Variants in SAP30BP observed in about 807,000 individuals in gnomAD.
The protein encoded by SAP30BP is SAP30-binding protein.
SAP30BP carries 31 observed loss-of-function variants against 46.3 expected under a neutral mutation model. The observed-to-expected ratio is 0.67, with a 90% confidence interval of 0.50 to 0.90. The LOEUF (loss-of-function observed/expected upper bound fraction) is 0.90, where lower values mean the gene tolerates loss of function less well. Ranked by LOEUF, SAP30BP falls within the 40% of genes least tolerant of loss-of-function variation. The pLI is 0.00. For missense variants in SAP30BP, 312 were observed against 391.0 expected, an observed-to-expected ratio of 0.80 and a Z score of 1.70; for synonymous variants, 169 against 144.2, an observed-to-expected ratio of 1.17 and a Z score of -1.23.
chr17:75,691,959 C>A (rs1599143768), intron 3 of SAP30BP: 1 of 154,780 alleles, frequency 6.5e-6, no homozygotes, highest in African/African-American at 2.4e-5. Context: ...CTGCGGCAGT[C>A]TCTATAGAGC....
intron 3 of SAP30BP, chr17:75,690,632 A>C (rs1448815513): frequency 1.1e-5 from 5 of 455,462 alleles, no homozygotes; most frequent in Non-Finnish European, 1.8e-5. Context: ...CGAGCACTTT[A>C]GGATCCAGAG....
chr17:75,707,149 G>C lies in SAP30BP; in HGVS notation c.*628G>C, dbSNP rs953696907. The C allele has an allele frequency of 6.4e-6, 1 of 155,352 alleles. No homozygotes were observed. Among genetic ancestry groups the C allele is most frequent in the Non-Finnish European group, 1.4e-5 (1 of 70,006 alleles). The allele number at this position is 155,352 out of a possible 1,614,324, so 9.6% of individuals were successfully genotyped here. A position where few individuals can be genotyped will look rare whatever the true frequency, so the allele number is the denominator to read the frequency against. ...AGCCAGTTTCCAGAAGGGCTGGGGT[G>C]AGATCCTGACCTGTGCAGAGAGTGG... On this transcript the variant is annotated 3_prime_UTR_variant, in exon 11 of 11. Coordinates refer to ENST00000584667, the MANE Select transcript of SAP30BP (RefSeq NM_013260.8).
At position 75,703,050 on chromosome 17, in the gene SAP30BP, T is replaced by C. The variant is rs746529397; in HGVS notation, c.489-261T>C. The C allele has an allele frequency of 1.5e-4, 77 of 508,334 alleles. 1 individual carries two copies. Among genetic ancestry groups the C allele is most frequent in the Non-Finnish European group, 2.3e-4 (66 of 282,232 alleles). 31.5% of individuals were successfully genotyped at this position (508,334 alleles called of 1,614,324 possible). A position where few individuals can be genotyped will look rare whatever the true frequency, so the allele number is the denominator to read the frequency against. On this transcript the variant is annotated intron_variant, in intron 6 of 10. Transcript: ENST00000584667. ...CATGGCCCTTGTGTGGGTCTGAGTG[T>C]GGTAAGCCCAATCCAGCTGTGCAGA...
At chr17:75,703,950 C>A in intron 8 of SAP30BP, 91 bp downstream of exon 8, 1 of 960,510 alleles carries the variant, frequency 1.0e-6, no homozygotes, top group Middle Eastern at 2.1e-4. Flanking sequence ...ACACATATTT[C>A]AGGGTCTACT....
Position 75,705,046 on chromosome 17 carries a change from C to A in SAP30BP, c.660+232C>A. ...TGTTTGCTACATTGTGCCCCCCTTTCCTCCCCGCCAATTGCAGAGCCTTGG... is the reference window on the plus strand; with the variant it reads ...TGTTTGCTACATTGTGCCCCCCTTTACTCCCCGCCAATTGCAGAGCCTTGG... On this transcript the variant is annotated intron_variant, in intron 9 of 10. Coordinates refer to ENST00000584667, the MANE Select transcript of SAP30BP (RefSeq NM_013260.8). The A allele has an allele frequency of 5.8e-6, 3 of 516,988 alleles. No homozygotes were observed. In the East Asian group the frequency reaches 1.0e-4, roughly 18 times the overall value. The allele number at this position is 516,988 out of a possible 1,614,324, so 32.0% of individuals were successfully genotyped here. A position where few individuals can be genotyped will look rare whatever the true frequency, so the allele number is the denominator to read the frequency against.
chr17:75,697,338 C>A (rs2060338183), intron 4 of SAP30BP, among the ~76,000 whole-genome samples: 1 of 152,210 alleles, frequency 6.6e-6, no homozygotes, highest in African/African-American at 2.4e-5. Context: ...CCAGCTGATT[C>A]CACTCTCCAC....
Position 75,667,426 on chromosome 17 carries a change from A to G in SAP30BP, c.54A>G (p.Ser18=). 6.2e-7 allele frequency: 1 copy of G among 1,614,244 alleles called. No individual in the cohort carries two copies. Among genetic ancestry groups the G allele is most frequent in the South Asian group, 1.1e-5 (1 of 91,086 alleles). ...LSSLAVYAED[S]EPESDGEAGI... is the part of the protein sequence containing the mutation. ...CTCTCGCAGTTTACGCGGAAGATTCAGAGCCCGAGTCTGATGGCGAGGCTG... is the reference window on the plus strand; with the variant it reads ...CTCTCGCAGTTTACGCGGAAGATTCGGAGCCCGAGTCTGATGGCGAGGCTG... Residue 18 remains serine, a synonymous_variant, in exon 1 of 11, where the codon TCA becomes TCG. Transcript: ENST00000584667.
chr17:75,668,675 T>G (rs112306247), intron 2 of SAP30BP, 50 bp downstream of exon 2: 1 of 1,291,304 alleles, frequency 7.7e-7, no homozygotes, highest in Non-Finnish European at 1.1e-6. Context: ...ATTTCATTTG[T>G]CAGATTTTGG....
intron 3 of SAP30BP, chr17:75,691,563 A>T (rs570812193): frequency 2.3e-6 from 1 of 444,150 alleles, no homozygotes; most frequent in East Asian, 7.0e-5. Context: ...GAGCCATTGC[A>T]TGTTTGGTGA....
At chr17:75,687,434 A>G (rs1213470967) in intron 3 of SAP30BP, among the ~76,000 whole-genome samples, 1 of 151,944 alleles carries the variant, frequency 6.6e-6, no homozygotes, top group East Asian at 1.9e-4. Context: ...TGGGCAACAT[A>G]GTGAGACCCC....
intron 2 of SAP30BP, among the ~76,000 whole-genome samples, chr17:75,669,079 CTT>C (rs1387713180): frequency 4.9e-5 from 7 of 143,110 alleles, no homozygotes; most frequent in African/African-American, 2.5e-5. Context: ...TTTTTCTTTT[CTT>C]TTTTTTTTTT....
intron 9 of SAP30BP, 99 bp downstream of exon 9, chr17:75,704,913 G>A (rs2060471603): frequency 3.2e-6 from 3 of 933,840 alleles, no homozygotes; most frequent in East Asian, 4.9e-5. Context: ...CCCAACCCTG[G>A]CCCCGTGTCA....
At chr17:75,695,967 C>T (rs896852460) in intron 4 of SAP30BP, among the ~76,000 whole-genome samples, 25 of 152,322 alleles carry the variant, frequency 1.6e-4, no homozygotes, top group Admixed American at 1.4e-3. Context: ...CCCTGGGGCC[C>T]CCCAGCTCGC....
rs188105473 is a variant in SAP30BP at position 75,694,387 on chromosome 17, T to C, written c.307+905T>C. On this transcript the variant is annotated intron_variant, in intron 4 of 10. Coordinates refer to ENST00000584667, the MANE Select transcript of SAP30BP (RefSeq NM_013260.8). Reference sequence around the variant, plus strand: ...AGGAGCTAGGAATCGTTCATTCTATTTGTCTTTTGAAGAAGGATTGGGTGG... The same window carrying C: ...AGGAGCTAGGAATCGTTCATTCTATCTGTCTTTTGAAGAAGGATTGGGTGG... Among the ~76,000 whole-genome samples, 462 of 152,286 alleles carry C rather than the reference T, an allele frequency of 3.0e-3. 1 individual carries two copies. Among genetic ancestry groups the C allele is most frequent in the Non-Finnish European group, 4.7e-3 (321 of 68,020 alleles).
At chr17:75,693,869 G>T (rs1178669632) in intron 4 of SAP30BP, among the ~76,000 whole-genome samples, 1 of 152,128 alleles carries the variant, frequency 6.6e-6, no homozygotes, top group Non-Finnish European at 1.5e-5. Flanking sequence ...TCAGCATGTG[G>T]CCTCTGCTGG....
chr17:75,697,699 G>A (rs2060343916), intron 4 of SAP30BP, among the ~76,000 whole-genome samples: 1 of 152,202 alleles, frequency 6.6e-6, no homozygotes, highest in Admixed American at 6.5e-5. Context: ...GATGGCCCCA[G>A]GCTCGACTCC....
At chr17:75,671,973 T>C (rs765842428) in intron 3 of SAP30BP, 110 bp downstream of exon 3, 9 of 873,664 alleles carry the variant, frequency 1.0e-5, no homozygotes, top group Admixed American at 1.8e-5. Context: ...ACTGTGCAAC[T>C]GTGTGGACAT....
At position 75,667,484 on chromosome 17, in the gene SAP30BP, G is replaced by A; in HGVS notation, c.106+6G>A. ...GGCGGTGGGCAGCGCGGCTGGTAAG[G>A]CCCAAGTGCGAAGCTGGAAGGGGGA... On this transcript the variant is annotated splice_donor_region_variant and intron_variant, in intron 1 of 10. Coordinates refer to ENST00000584667, the MANE Select transcript of SAP30BP (RefSeq NM_013260.8). 1 of 1,613,672 alleles carries A rather than the reference G, an allele frequency of 6.2e-7. No homozygotes were observed.
intron 3 of SAP30BP, chr17:75,693,183 T>G: frequency 2.1e-6 from 1 of 467,852 alleles, no homozygotes. Context: ...TCCTCAGCGA[T>G]GGTGGGTTTG....
Sources: allele counts gnomAD v4.1 joint callset (sites outside exome capture counted in the v4.1 genomes callset), GRCh38; gene constraint gnomAD v4.1.1; transcripts MANE v1.5; gene names NCBI Gene and HGNC (gene_info 2026-07-23, HGNC 2026-07-21).